Variants in PDE7B observed in about 807,000 individuals in gnomAD.
The protein encoded by PDE7B is phosphodiesterase 7B, also known as 3',5'-cyclic-AMP phosphodiesterase 7B.
PDE7B carries 29 observed loss-of-function variants against 56.2 expected under a neutral mutation model. The ratio of observed to expected loss-of-function variants is 0.52; its 90% CI spans 0.38 to 0.70. PDE7B has a LOEUF of 0.70. Among genes scored for constraint, PDE7B ranks in the 30% least tolerant of loss-of-function variants. The probability of loss-of-function intolerance (pLI) is 0.00; values close to 1 mark genes in which losing one functional copy is unlikely to be tolerated. For missense variants in PDE7B, 490 were observed against 565.0 expected (o/e 0.87, Z 1.35); for synonymous variants, 197 against 196.9 (o/e 1.00, Z 0.00).
At chr6:135,940,898 T>C (rs1774496577) in intron 1 of PDE7B, among the ~76,000 whole-genome samples, 1 of 152,234 alleles carries the variant, frequency 6.6e-6, no homozygotes, top group Non-Finnish European at 1.5e-5. Context: ...TTAATTAACA[T>C]TGGGAGCGCC....
intron 2 of PDE7B, among the ~76,000 whole-genome samples, chr6:136,067,166 T>C (rs1776954715): frequency 6.6e-6 from 1 of 152,216 alleles, no homozygotes; most frequent in South Asian, 2.1e-4. Flanking sequence ...ACCATGTTTT[T>C]TCTCTGTAGG....
At chr6:136,170,220 G>A (rs534969149) in intron 8 of PDE7B, among the ~76,000 whole-genome samples, 23 of 152,204 alleles carry the variant, frequency 1.5e-4, no homozygotes, top group South Asian at 4.1e-4. Flanking sequence ...GTTTTTAGCC[G>A]CACTTCTGAC....
intron 2 of PDE7B, among the ~76,000 whole-genome samples, chr6:136,089,625 C>T (rs951361250): frequency 3.9e-5 from 6 of 151,986 alleles, no homozygotes; most frequent in South Asian, 2.1e-4. Context: ...GTAGATTTTC[C>T]GAATGTTGAA....
intron 9 of PDE7B, among the ~76,000 whole-genome samples, chr6:136,174,464 G>C (rs1778945332): frequency 1.3e-5 from 2 of 152,076 alleles, no homozygotes; most frequent in Non-Finnish European, 2.9e-5. Flanking sequence ...CTATTTGATA[G>C]CCATGGTATG....
At chr6:136,098,147 G>GGAA (rs1554279577) in intron 2 of PDE7B, 78 of 62,924 alleles carry the variant, frequency 1.2e-3, no homozygotes, top group Non-Finnish European at 2.0e-3. Flanking sequence ...GGGGGGGGGG[G>GGAA]AAATATATGT....
chr6:135,982,232 C>T (rs192430768), intron 2 of PDE7B, among the ~76,000 whole-genome samples: 83 of 152,296 alleles, frequency 5.4e-4, no homozygotes, highest in African/African-American at 1.8e-3. Context: ...TTATAAGGAC[C>T]TACCGCTTTG....
At chr6:135,857,013 C>T (rs910350554) in intron 1 of PDE7B, among the ~76,000 whole-genome samples, 1 of 149,814 alleles carries the variant, frequency 6.7e-6, no homozygotes, top group Non-Finnish European at 1.5e-5. Context: ...CTTCTGCCCT[C>T]TTACTCCTTT....
chr6:136,013,395 T>A (rs1385454371), intron 2 of PDE7B, among the ~76,000 whole-genome samples: 1 of 152,182 alleles, frequency 6.6e-6, no homozygotes, highest in Non-Finnish European at 1.5e-5. Flanking sequence ...ACTGGAATAG[T>A]TATGGAACTG....
Position 136,192,349 on chromosome 6 carries a change from TAATA to T in PDE7B, c.*513_*516del, listed in dbSNP as rs1348499678. The T allele has an allele frequency of 3.3e-5, 5 of 152,100 alleles. No individual in the cohort carries two copies. The highest frequency in any genetic ancestry group is 5.9e-5 in the Non-Finnish European group (4 of 68,018). 9.4% of individuals were successfully genotyped at this position (152,100 alleles called of 1,614,324 possible). On this transcript the variant is annotated 3_prime_UTR_variant, in exon 13 of 13. Transcript: ENST00000308191. ...TTTAATAATAATATTATTATAAAAA[TAATA>T]AATCTTTTTAACTTTTATATTTTAT... is the stretch of plus-strand genomic sequence containing the variant.
chr6:135,944,480 T>C lies in PDE7B; in HGVS notation c.22-2984T>C, dbSNP rs148224800. Among the ~76,000 whole-genome samples, 1,402 of 152,208 alleles carry C rather than the reference T, an allele frequency of 9.2e-3. 16 individuals are homozygous for C. Among genetic ancestry groups the C allele is most frequent in the Middle Eastern group, 0.034 (10 of 294 alleles). On this transcript the variant is annotated intron_variant, in intron 1 of 12. Coordinates refer to ENST00000308191, the MANE Select transcript of PDE7B (RefSeq NM_018945.4). ...ATCTGTTACCATCATCAGGTAACTT[T>C]ACAAAACAGGGCAATTAAAGAGCTA... is the stretch of plus-strand genomic sequence containing the variant.
chr6:136,098,216 A>G (rs1272867508), intron 2 of PDE7B: 2 of 151,634 alleles, frequency 1.3e-5, no homozygotes, highest in Non-Finnish European at 1.5e-5. Flanking sequence ...AGAGAGGAAG[A>G]AGGCAAAGAA....
chr6:135,944,907 T>C (rs1412906647), intron 1 of PDE7B, among the ~76,000 whole-genome samples: 3 of 152,152 alleles, frequency 2.0e-5, no homozygotes, highest in Non-Finnish European at 2.9e-5. Context: ...TCTGGACTTT[T>C]TCCATAGCAA....
At chr6:136,019,308 C>T (rs1776029994) in intron 2 of PDE7B, among the ~76,000 whole-genome samples, 5 of 151,380 alleles carry the variant, frequency 3.3e-5, no homozygotes. Flanking sequence ...GAAATTAATT[C>T]ATTGAATATA....
At chr6:136,140,118 T>G (rs1778293087) in intron 3 of PDE7B, among the ~76,000 whole-genome samples, 1 of 152,220 alleles carries the variant, frequency 6.6e-6, no homozygotes, top group Non-Finnish European at 1.5e-5. Context: ...AACATTTAAG[T>G]CTTTAATCCA....
At chr6:136,074,424 T>G (rs973038793) in intron 2 of PDE7B, among the ~76,000 whole-genome samples, 1 of 152,220 alleles carries the variant, frequency 6.6e-6, no homozygotes, top group Non-Finnish European at 1.5e-5. Flanking sequence ...ATTTCTTTCT[T>G]TGTGTTACAA....
At chr6:136,178,034 A>G (rs1779007260) in intron 9 of PDE7B, among the ~76,000 whole-genome samples, 3 of 152,252 alleles carry the variant, frequency 2.0e-5, no homozygotes, top group Non-Finnish European at 4.4e-5. Context: ...GATACATACC[A>G]TATAACTTAA....
At chr6:136,082,377 G>A (rs896744074) in intron 2 of PDE7B, among the ~76,000 whole-genome samples, 27 of 152,172 alleles carry the variant, frequency 1.8e-4, no homozygotes, top group Non-Finnish European at 2.9e-4. Context: ...GAGCAAACCT[G>A]TCTCTCTCTA....
intron 1 of PDE7B, among the ~76,000 whole-genome samples, chr6:135,928,437 A>ATATATATTTATTTATT (rs1774227419): frequency 3.5e-5 from 4 of 112,890 alleles, no homozygotes; most frequent in African/African-American, 6.5e-5. Flanking sequence ...GATTATATAT[A>ATATATATTTATTTATT]TATATATATA....
intron 2 of PDE7B, among the ~76,000 whole-genome samples, chr6:135,956,837 GAAGA>G (rs370997257): frequency 7.3e-5 from 11 of 150,048 alleles, no homozygotes; most frequent in African/African-American, 1.7e-4. Flanking sequence ...AAAGAGAAAG[GAAGA>G]AAGAAAGAAA....
Sources: allele counts gnomAD v4.1 joint callset (sites outside exome capture counted in the v4.1 genomes callset), GRCh38; gene constraint gnomAD v4.1.1; transcripts MANE v1.5; gene names NCBI Gene and HGNC (gene_info 2026-07-23, HGNC 2026-07-21).